Variants in STS observed in about 807,000 individuals in gnomAD.
STS encodes steroid sulfatase, also known as steryl-sulfatase.
In STS, 7 loss-of-function variants were observed where a neutral mutation model predicts 26.8. That is an observed-to-expected ratio of 0.26 (90% CI 0.15 to 0.49). The LOEUF (loss-of-function observed/expected upper bound fraction) is 0.49. Among genes scored for constraint, STS ranks in the 20% least tolerant of loss-of-function variants. The pLI is 0.98. For synonymous variants in STS, 199 were observed against 189.4 expected (o/e 1.05, Z -0.42); for missense variants, 434 against 465.6 (o/e 0.93, Z 0.63).
At chrX:7,245,736 A>G (rs752971063) in intron 2 of STS, among the ~76,000 whole-genome samples, 7 of 112,271 alleles carry the variant, frequency 6.2e-5, no homozygotes, top group Admixed American at 2.8e-4. Flanking sequence ...AGAAATGCAC[A>G]GTGATAAGAA....
chrX:7,279,908 G>T (rs747049397), intron 7 of STS, among the ~76,000 whole-genome samples: 5 of 111,466 alleles, frequency 4.5e-5, no homozygotes, highest in Non-Finnish European at 9.4e-5. Context: ...CTCATCATTC[G>T]CATTCCACAG....
intron 8 of STS, among the ~76,000 whole-genome samples, chrX:7,309,897 T>C (rs1243532029): frequency 9.0e-6 from 1 of 111,721 alleles, no homozygotes; most frequent in Non-Finnish European, 1.9e-5. Flanking sequence ...TAGGGTCAAA[T>C]GTATACTTTG....
chrX:7,328,704 C>T (rs1927604192), intron 9 of STS, among the ~76,000 whole-genome samples: 2 of 110,263 alleles, frequency 1.8e-5, no homozygotes, highest in African/African-American at 6.6e-5. Flanking sequence ...GGACTACAGG[C>T]GTGCACCACC....
At chrX:7,175,586 G>T (rs1933555319) in intron 1 of STS, among the ~76,000 whole-genome samples, 2 of 112,124 alleles carry the variant, frequency 1.8e-5, no homozygotes, top group African/African-American at 6.5e-5. Context: ...CATGATTACA[G>T]GTTATAGTAT....
intron 7 of STS, among the ~76,000 whole-genome samples, chrX:7,296,616 C>T (rs995351482): frequency 1.8e-5 from 2 of 112,247 alleles, no homozygotes; most frequent in African/African-American, 6.5e-5. Context: ...CTTTGTTCTT[C>T]CCCGCACCTT....
chrX:7,293,879 C>T (rs746581136), intron 7 of STS, among the ~76,000 whole-genome samples: 1 of 111,099 alleles, frequency 9.0e-6, no homozygotes, highest in Non-Finnish European at 1.9e-5. Context: ...TAGCTTGAGA[C>T]CAGGTGTTTG....
chrX:7,167,111 C>T (rs1311535854), intron 1 of STS, among the ~76,000 whole-genome samples: 1 of 111,844 alleles, frequency 8.9e-6, no homozygotes, highest in African/African-American at 3.3e-5. Context: ...CTCAGAGTCT[C>T]ACGAGATTGC....
intron 2 of STS, among the ~76,000 whole-genome samples, chrX:7,206,433 C>T (rs561411925): frequency 2.6e-4 from 29 of 112,393 alleles, no homozygotes; most frequent in Non-Finnish European, 5.1e-4. Context: ...GTACTTTTCT[C>T]ATACCATCCT....
At chrX:7,273,564 A>G (rs1454419455) in intron 6 of STS, among the ~76,000 whole-genome samples, 1 of 112,168 alleles carries the variant, frequency 8.9e-6, no homozygotes, top group African/African-American at 3.2e-5. Flanking sequence ...CAGAGAGGCC[A>G]AGAACAATCT....
chrX:7,155,973 A>AC (rs1233357745), intron 1 of STS, among the ~76,000 whole-genome samples: 4 of 110,105 alleles, frequency 3.6e-5, no homozygotes, highest in Non-Finnish European at 5.7e-5. Context: ...ACATGGTGAA[A>AC]CCCCATCTCT....
intron 1 of STS, among the ~76,000 whole-genome samples, chrX:7,172,496 A>G (rs778941028): frequency 1.1e-4 from 12 of 111,512 alleles, no homozygotes; most frequent in Non-Finnish European, 1.5e-4. Context: ...TTTCTCTTAT[A>G]GGCAAGTCAA....
intron 3 of STS, among the ~76,000 whole-genome samples, chrX:7,256,617 G>C (rs1447137210): frequency 2.7e-5 from 3 of 111,736 alleles, no homozygotes; most frequent in African/African-American, 9.8e-5. Context: ...TAACTTAGGA[G>C]ATGTGGATCG....
intron 2 of STS, among the ~76,000 whole-genome samples, chrX:7,215,956 G>T (rs1456852010): frequency 1.8e-5 from 2 of 111,877 alleles, no homozygotes; most frequent in Non-Finnish European, 3.8e-5. Context: ...ACCAATGCTA[G>T]GTCCTGCTTG....
chrX:7,261,148 A>G (rs1281549407), intron 6 of STS, among the ~76,000 whole-genome samples: 1 of 112,044 alleles, frequency 8.9e-6, no homozygotes, highest in Admixed American at 9.5e-5. Flanking sequence ...AACTGTGGAG[A>G]ACAGGACTCT....
At position 7,325,509 on chromosome X, in the gene STS, G is replaced by A; in HGVS notation, c.1241+11G>A. On this transcript the variant is annotated intron_variant, in intron 9 of 10. Coordinates refer to ENST00000674429, the MANE Select transcript of STS (RefSeq NM_001320752.2). ...CTTGCCTGAGGACAGGTACTCTGATGCCAGGGTGGTTGGTATTGTTGAGCT... is the reference window on the plus strand; with the variant it reads ...CTTGCCTGAGGACAGGTACTCTGATACCAGGGTGGTTGGTATTGTTGAGCT... The A allele has an allele frequency of 8.3e-7, 1 of 1,210,416 alleles. No individual in the cohort carries two copies. Among genetic ancestry groups the A allele is most frequent in the Non-Finnish European group, 1.1e-6 (1 of 894,944 alleles).
At chrX:7,211,394 T>A (rs1281924282) in intron 2 of STS, among the ~76,000 whole-genome samples, 1 of 111,701 alleles carries the variant, frequency 9.0e-6, no homozygotes. Context: ...TCCTTGAGGT[T>A]CTGGGACTGA....
At chrX:7,324,118 T>C (rs1046279219) in intron 8 of STS, among the ~76,000 whole-genome samples, 2 of 108,997 alleles carry the variant, frequency 1.8e-5, no homozygotes, top group African/African-American at 6.7e-5. Context: ...AGTCAATATA[T>C]GTAAGATGTA....
rs962118140 is a variant in STS at position 7,350,628 on chromosome X, C to T, written c.*367C>T. 1 of 207,163 alleles carries T rather than the reference C, an allele frequency of 4.8e-6. No homozygotes were observed. The highest frequency in any genetic ancestry group is 8.8e-6 in the Non-Finnish European group (1 of 114,201). 17.1% of individuals were successfully genotyped at this position (207,163 alleles called of 1,213,427 possible). On this transcript the variant is annotated 3_prime_UTR_variant, in exon 11 of 11. Coordinates refer to ENST00000674429, the MANE Select transcript of STS (RefSeq NM_001320752.2). ...GGTGCAGGAGGTACCTTAACTCACC[C>T]CTCAGCAAATACCTATGTCAACAGT...
At chrX:7,152,070 A>T (rs1933025759) in intron 1 of STS, among the ~76,000 whole-genome samples, 1 of 110,059 alleles carries the variant, frequency 9.1e-6, no homozygotes, top group African/African-American at 3.3e-5. Flanking sequence ...CTCCTGCCTC[A>T]GCCTCCCAAG....
Sources: allele counts gnomAD v4.1 joint callset (sites outside exome capture counted in the v4.1 genomes callset), GRCh38; gene constraint gnomAD v4.1.1; transcripts MANE v1.5; gene names NCBI Gene and HGNC (gene_info 2026-07-23, HGNC 2026-07-21).